ZNF804B: variants seen among roughly 807,000 people sequenced by gnomAD.
ZNF804B encodes the protein zinc finger 804B.
ZNF804B carries 80 observed loss-of-function variants against 101.4 expected under a neutral mutation model. The observed-to-expected ratio is 0.79, with a 90% CI of 0.66 to 0.95. The LOEUF (loss-of-function observed/expected upper bound fraction) is 0.95, where lower values mean the gene tolerates loss of function less well. ZNF804B is among the 40% of genes least tolerant of loss of function. ZNF804B has a pLI of 0.00. For synonymous variants in ZNF804B, 622 were observed against 558.8 expected, an observed-to-expected ratio of 1.11 and a Z score of -1.59; for missense variants, 1,673 against 1,561.9, an observed-to-expected ratio of 1.07 and a Z score of -1.20.
At chr7:89,311,253 T>C (rs1262844765) in intron 2 of ZNF804B, among the ~76,000 whole-genome samples, 1 of 152,194 alleles carries the variant, frequency 6.6e-6, no homozygotes, top group Non-Finnish European at 1.5e-5. Flanking sequence ...ACGAATACTT[T>C]TCAAATATTA....
chr7:88,774,601 A>G (rs1273806513), intron 1 of ZNF804B, among the ~76,000 whole-genome samples: 1 of 152,220 alleles, frequency 6.6e-6, no homozygotes, highest in Non-Finnish European at 1.5e-5. Context: ...AGAGGTATCT[A>G]TTCATCCTAC....
At chr7:89,299,853 T>G (rs1275625308) in intron 2 of ZNF804B, among the ~76,000 whole-genome samples, 1 of 152,050 alleles carries the variant, frequency 6.6e-6, no homozygotes, top group Admixed American at 6.6e-5. Flanking sequence ...ATAGAACTAC[T>G]TGTTTAATTA....
rs75845739 is a variant in ZNF804B, at chr7:89,213,561, C to T, written c.109-4594C>T. Among the ~76,000 whole-genome samples, 1,209 of 152,302 alleles carry T rather than the reference C, an allele frequency of 7.9e-3. 19 individuals are homozygous for T. Among genetic ancestry groups the T allele is most frequent in the African/African-American group, 0.028 (1,151 of 41,556 alleles). On this transcript the variant is annotated intron_variant, in intron 1 of 3. Transcript: ENST00000333190. The stretch of plus-strand genomic sequence containing the variant: ...TTTCCTAGTACCCATCTCTCAGCTT[C>T]AAGAGCATTATGCATTTTTAAAATT...
At chr7:89,316,512 G>A (rs1562944103) in intron 2 of ZNF804B, among the ~76,000 whole-genome samples, 1 of 151,910 alleles carries the variant, frequency 6.6e-6, no homozygotes. Context: ...CAAAAATAAA[G>A]GGAAAAGCCA....
intron 2 of ZNF804B, among the ~76,000 whole-genome samples, chr7:89,323,326 GA>G (rs1246556331): frequency 3.3e-5 from 5 of 152,184 alleles, no homozygotes; most frequent in Admixed American, 2.0e-4. Flanking sequence ...CAAGAACTTT[GA>G]AAGATAATAC....
intron 1 of ZNF804B, among the ~76,000 whole-genome samples, chr7:89,132,947 C>A (rs1033464464): frequency 6.6e-6 from 1 of 151,954 alleles, no homozygotes; most frequent in Admixed American, 6.6e-5. Flanking sequence ...CTTAAGAATT[C>A]CACTGCTGGT....
intron 1 of ZNF804B, among the ~76,000 whole-genome samples, chr7:89,215,957 C>G (rs1276166693): frequency 6.6e-6 from 1 of 151,028 alleles, no homozygotes; most frequent in Non-Finnish European, 1.5e-5. Flanking sequence ...AAAGGAATCC[C>G]TAGTTTCAAT....
rs555102556 is a variant in ZNF804B at position 89,167,493 on chromosome 7, C to T, written c.109-50662C>T. Among the ~76,000 whole-genome samples, 4 of 134,066 alleles carry T rather than the reference C, an allele frequency of 3.0e-5. No individual in the cohort carries two copies. In the South Asian group the frequency reaches 9.9e-4, roughly 33 times the overall value. The allele number at this position is 134,066 out of a possible 152,430, so 88.0% of individuals were successfully genotyped here. A position where few individuals can be genotyped will look rare whatever the true frequency, so the allele number is the denominator to read the frequency against. On this transcript the variant is annotated intron_variant, in intron 1 of 3. Coordinates refer to ENST00000333190, the MANE Select transcript of ZNF804B (RefSeq NM_181646.5). ...AATAATCCCTGTATAAGTGAACTCT[C>T]GCAGTTCAAACTAGTGTTGTTCAGG...
chr7:89,092,450 T>C (rs1243755657), intron 1 of ZNF804B, among the ~76,000 whole-genome samples: 4 of 127,800 alleles, frequency 3.1e-5, no homozygotes, highest in African/African-American at 5.9e-5. Flanking sequence ...TCTCACTCTC[T>C]TGCCCAGGCT....
intron 1 of ZNF804B, among the ~76,000 whole-genome samples, chr7:88,819,857 T>G (rs942689545): frequency 6.6e-6 from 1 of 152,156 alleles, no homozygotes; most frequent in Non-Finnish European, 1.5e-5. Flanking sequence ...TTATTGAAGA[T>G]TCCTCAAAAG....
Position 89,335,173 on chromosome 7 carries a change from T to C in ZNF804B, c.2191T>C (p.Phe731Leu). 6.2e-7 allele frequency: 1 copy of C among 1,613,888 alleles called. No homozygotes were observed. The highest frequency in any genetic ancestry group is 1.1e-5 in the South Asian group (1 of 91,074). Residue 731 changes from phenylalanine (F) to leucine (L), a missense_variant, in exon 4 of 4, where the codon TTC becomes CTC. Coordinates refer to ENST00000333190, the MANE Select transcript of ZNF804B (RefSeq NM_181646.5). ...GAGAAGTACTTGTTCAAGTCATAGA[T>C]TCAATGGTAATAGCAGAGGTAATTT... ...SLRSTCSSHRFNGNSRGNLLC... is the reference protein window; with the variant it reads ...SLRSTCSSHRLNGNSRGNLLC...
At chr7:89,256,732 G>C (rs1181231483) in intron 2 of ZNF804B, among the ~76,000 whole-genome samples, 1 of 152,056 alleles carries the variant, frequency 6.6e-6, no homozygotes, top group Non-Finnish European at 1.5e-5. Flanking sequence ...ACACATCTAG[G>C]CTTGCTCATA....
rs760264993 is a variant in ZNF804B at position 89,334,605 on chromosome 7, T to C, written c.1623T>C (p.Ala541=). Residue 541 remains alanine (A), a synonymous_variant, in exon 4 of 4, where the codon GCT becomes GCC. Transcript: ENST00000333190. ...ATCCGAAACCAAAGACGATGATAGC[T>C]AATCCGGATTGGGAAAAATTCCAGA... The part of the protein sequence containing the change: ...YQYPKPKTMI[A]NPDWEKFQRK... 6.2e-7 allele frequency: 1 copy of C among 1,613,806 alleles called. No homozygotes were observed. Among genetic ancestry groups the C allele is most frequent in the Non-Finnish European group, 8.5e-7 (1 of 1,179,854 alleles).
chr7:89,186,425 T>C (rs934124853), intron 1 of ZNF804B, among the ~76,000 whole-genome samples: 4 of 152,114 alleles, frequency 2.6e-5, no homozygotes, highest in Non-Finnish European at 5.9e-5. Context: ...TTGTTTGATA[T>C]AGTAAGATTT....
At chr7:89,194,263 T>A (rs1381993609) in intron 1 of ZNF804B, among the ~76,000 whole-genome samples, 1 of 152,190 alleles carries the variant, frequency 6.6e-6, no homozygotes, top group Non-Finnish European at 1.5e-5. Flanking sequence ...TTTTGTAGGT[T>A]GCCTGTTCAC....
At chr7:88,982,874 C>A (rs552947130) in intron 1 of ZNF804B, among the ~76,000 whole-genome samples, 25 of 152,170 alleles carry the variant, frequency 1.6e-4, no homozygotes, top group African/African-American at 5.8e-4. Flanking sequence ...GGGAAGGAAT[C>A]TGACTCCAGA....
At chr7:88,801,751 TTTATAGA>T (rs1790593456) in intron 1 of ZNF804B, among the ~76,000 whole-genome samples, 1 of 151,998 alleles carries the variant, frequency 6.6e-6, no homozygotes, top group Non-Finnish European at 1.5e-5. Context: ...AAAGACAGTT[TTTATAGA>T]AAAAAAGAAC....
At chr7:88,825,802 T>G (rs4236508) in intron 1 of ZNF804B, among the ~76,000 whole-genome samples, 34,225 of 152,100 alleles carry the variant, frequency 0.23, 4,739 homozygotes, top group East Asian at 0.71. Context: ...GCTGCTCACT[T>G]AAACTCTTCC....
intron 1 of ZNF804B, among the ~76,000 whole-genome samples, chr7:88,819,624 G>C (rs1296418549): frequency 6.6e-6 from 1 of 152,036 alleles, no homozygotes; most frequent in Non-Finnish European, 1.5e-5. Flanking sequence ...AAAGTGCTAA[G>C]TGTATACACT....
Sources: allele counts gnomAD v4.1 joint callset (sites outside exome capture counted in the v4.1 genomes callset), GRCh38; gene constraint gnomAD v4.1.1; transcripts MANE v1.5; gene names NCBI Gene and HGNC (gene_info 2026-07-23, HGNC 2026-07-21).